DCC: variants seen among roughly 807,000 people sequenced by gnomAD.
The protein encoded by DCC is DCC netrin 1 receptor.
DCC carries 58 observed loss-of-function variants against 172.5 expected under a neutral mutation model. The ratio of observed to expected loss-of-function variants is 0.34; its 90% CI spans 0.27 to 0.42. The LOEUF is 0.42. Among genes scored for constraint, DCC ranks in the 10% least tolerant of loss-of-function variants. The pLI is 1.00. For synonymous variants in DCC, 709 were observed against 644.5 expected (o/e 1.10, Z -1.52); for missense variants, 1,740 against 1,791.0 (o/e 0.97, Z 0.51).
At chr18:52,828,134 A>C (rs1452030231) in intron 2 of DCC, among the ~76,000 whole-genome samples, 3 of 152,122 alleles carry the variant, frequency 2.0e-5, no homozygotes, top group Non-Finnish European at 2.9e-5. Context: ...CTGTTTTAGT[A>C]GCCATGTTAC....
intron 1 of DCC, among the ~76,000 whole-genome samples, chr18:52,557,440 C>T (rs144807483): frequency 1.4e-4 from 22 of 152,260 alleles, no homozygotes; most frequent in Middle Eastern, 3.4e-3. Context: ...AGGGAGCCAG[C>T]GCTGTGAAAA....
At chr18:53,408,476 A>AAAG (rs1390439642) in intron 19 of DCC, among the ~76,000 whole-genome samples, 3 of 152,214 alleles carry the variant, frequency 2.0e-5, no homozygotes, top group African/African-American at 7.2e-5. Context: ...ATCAAAGGCG[A>AAAG]AAGAAGAGAG....
At chr18:52,932,574 T>G (rs565148590) in intron 5 of DCC, among the ~76,000 whole-genome samples, 1 of 152,214 alleles carries the variant, frequency 6.6e-6, no homozygotes, top group East Asian at 1.9e-4. Context: ...CTTTGAACTT[T>G]CCAGAAATGG....
intron 14 of DCC, among the ~76,000 whole-genome samples, chr18:53,337,905 A>G (rs2057610378): frequency 6.6e-6 from 1 of 152,206 alleles, no homozygotes; most frequent in Non-Finnish European, 1.5e-5. Flanking sequence ...AATTTGGCAT[A>G]TGTTACCTTC....
At chr18:52,637,241 TAATATGACA>T (rs2034799202) in intron 1 of DCC, among the ~76,000 whole-genome samples, 1 of 152,164 alleles carries the variant, frequency 6.6e-6, no homozygotes, top group Middle Eastern at 3.4e-3. Context: ...CCAACCCTGG[TAATATGACA>T]AAACAAGGCT....
chr18:53,490,190 A>G (rs939065491), intron 26 of DCC, among the ~76,000 whole-genome samples: 5 of 151,968 alleles, frequency 3.3e-5, no homozygotes, highest in African/African-American at 7.3e-5. Context: ...GAGGAGTGCA[A>G]TGGAGTTCAT....
intron 2 of DCC, among the ~76,000 whole-genome samples, chr18:52,857,442 T>C (rs1334267346): frequency 6.6e-6 from 1 of 152,236 alleles, no homozygotes; most frequent in Admixed American, 6.5e-5. Flanking sequence ...ATGCATATTT[T>C]CTTTCTAATT....
chr18:52,459,491 A>T (rs1053111970), intron 1 of DCC, among the ~76,000 whole-genome samples: 1 of 140,188 alleles, frequency 7.1e-6, no homozygotes, highest in African/African-American at 2.5e-5. Context: ...TTTTTGAAAC[A>T]GAGTCTCACT....
At chr18:52,617,564 C>T (rs1341503789) in intron 1 of DCC, among the ~76,000 whole-genome samples, 2 of 151,990 alleles carry the variant, frequency 1.3e-5, no homozygotes, top group Non-Finnish European at 2.9e-5. Context: ...CCAAGGTGAA[C>T]CTTGGTTCAC....
intron 8 of DCC, 111 bp downstream of exon 8, chr18:53,157,623 A>T: frequency 9.4e-7 from 1 of 1,068,282 alleles, no homozygotes; most frequent in South Asian, 1.3e-5. Flanking sequence ...AGGCTGTGAA[A>T]TCTCTACTAT....
intron 1 of DCC, among the ~76,000 whole-genome samples, chr18:52,743,477 C>G (rs1443225766): frequency 5.9e-5 from 9 of 152,152 alleles, no homozygotes; most frequent in Admixed American, 5.9e-4. Context: ...AATTTCATTA[C>G]AATTTTCCTG....
intron 2 of DCC, among the ~76,000 whole-genome samples, chr18:52,851,188 C>A (rs11873466): frequency 0.027 from 4,063 of 150,244 alleles, 160 homozygotes; most frequent in African/African-American, 0.09. Context: ...TTGAAACTTA[C>A]AATATTTTTA....
intron 27 of DCC, among the ~76,000 whole-genome samples, chr18:53,517,709 G>T (rs578049584): frequency 6.6e-6 from 1 of 152,074 alleles, no homozygotes; most frequent in South Asian, 2.1e-4. Flanking sequence ...TGGTCAAATA[G>T]GCTGTTTCCC....
At chr18:52,848,082 ATTTTTTTTTTTTTTT>A (rs11291428) in intron 2 of DCC, among the ~76,000 whole-genome samples, 1 of 127,392 alleles carries the variant, frequency 7.8e-6, no homozygotes, top group Non-Finnish European at 1.6e-5. Context: ...GACTTTTCTA[ATTTTTTTTTTTTTTT>A]TTTTTTGAGA....
intron 26 of DCC, among the ~76,000 whole-genome samples, chr18:53,493,671 G>A (rs1216478313): frequency 1.3e-5 from 2 of 152,008 alleles, no homozygotes; most frequent in South Asian, 2.1e-4. Context: ...TTCTTTAGTA[G>A]TCTGGCTAGC....
chr18:53,272,333 C>T (rs2056758603), intron 12 of DCC, among the ~76,000 whole-genome samples: 1 of 152,066 alleles, frequency 6.6e-6, no homozygotes, highest in Admixed American at 6.6e-5. Context: ...GAGAAAACAA[C>T]AGAATATACA....
At chr18:53,193,604 C>T (rs926730729) in intron 9 of DCC, among the ~76,000 whole-genome samples, 3 of 152,084 alleles carry the variant, frequency 2.0e-5, no homozygotes, top group Admixed American at 6.6e-5. Flanking sequence ...AGGGTATACC[C>T]TTTACTGCTG....
intron 7 of DCC, among the ~76,000 whole-genome samples, chr18:53,080,541 G>A (rs145657764): frequency 6.6e-6 from 1 of 152,200 alleles, no homozygotes; most frequent in East Asian, 1.9e-4. Context: ...TCCAAAACAT[G>A]CAATTGAGAA....
intron 1 of DCC, among the ~76,000 whole-genome samples, chr18:52,558,144 G>A (rs1336588153): frequency 6.6e-6 from 1 of 151,662 alleles, no homozygotes; most frequent in East Asian, 1.9e-4. Flanking sequence ...AGACATAACT[G>A]TTTATTATTG....
Sources: gnomAD v4.1 joint callset for allele counts (sites outside exome capture counted in the v4.1 genomes callset) on GRCh38, gnomAD v4.1.1 for gene constraint, MANE v1.5 for transcripts, NCBI Gene and HGNC (gene_info 2026-07-23, HGNC 2026-07-21) for gene names.